SEL1L3: variants seen among roughly 807,000 people sequenced by gnomAD.
SEL1L3 encodes the protein protein sel-1 homolog 3.
In SEL1L3, 76 loss-of-function variants were observed where a neutral mutation model predicts 142.8. The ratio of observed to expected loss-of-function variants is 0.53; its 90% confidence interval spans 0.44 to 0.64. The LOEUF (loss-of-function observed/expected upper bound fraction) is 0.64. SEL1L3 is among the 30% of genes least tolerant of loss of function. The pLI, the probability that SEL1L3 is intolerant of heterozygous loss-of-function variation, is 0.00. For missense variants in SEL1L3, 1,262 were observed against 1,381.7 expected, an observed-to-expected ratio of 0.91 and a Z score of 1.37; for synonymous variants, 504 against 519.6, an observed-to-expected ratio of 0.97 and a Z score of 0.41.
rs1427486604 is a variant in SEL1L3, at chr4:25,862,747, C to T, written c.90G>A (p.Met30Ile). 83 of 1,239,894 alleles carry T rather than the reference C, an allele frequency of 6.7e-5. No individual in the cohort carries two copies. Among genetic ancestry groups the T allele is most frequent in the Non-Finnish European group, 8.2e-5 (81 of 992,538 alleles). The allele number at this position is 1,239,894 out of a possible 1,614,324, so 76.8% of individuals were successfully genotyped here. Residue 30 changes from methionine (M) to isoleucine (I), a missense_variant, in exon 1 of 24, where the codon ATG becomes ATA. Physicochemically the swap from Met to Ile is conservative, Grantham distance 10. Coordinates refer to ENST00000399878, the MANE Select transcript of SEL1L3 (RefSeq NM_015187.5). ...PLAVGPRAAAMVPSGGVPQGL... is the reference protein window; with the variant it reads ...PLAVGPRAAAIVPSGGVPQGL... Reference sequence around the variant, plus strand: ...CCTGGGGGACGCCGCCACTCGGGACCATGGCTGCGGCCCGGGGGCCGACCG... The same window carrying T: ...CCTGGGGGACGCCGCCACTCGGGACTATGGCTGCGGCCCGGGGGCCGACCG...
At chr4:25,806,653 C>T (rs1713597619) in intron 9 of SEL1L3, among the ~76,000 whole-genome samples, 1 of 152,086 alleles carries the variant, frequency 6.6e-6, no homozygotes, top group Admixed American at 6.5e-5. Context: ...AGGATGCAGC[C>T]ACCACCTCCA....
At chr4:25,738,539 G>T in the SEL1L3 span, among the ~76,000 whole-genome samples, 2 of 152,178 alleles carry the variant, frequency 1.3e-5, no homozygotes, top group Non-Finnish European at 2.9e-5. Context: ...AAGCAAAAGT[G>T]CAAAAGATTA....
At chr4:25,833,666 A>G in intron 3 of SEL1L3, 97 bp from the exon 4 acceptor site, 1 of 1,100,138 alleles carries the variant, frequency 9.1e-7, no homozygotes, top group South Asian at 1.7e-5. Context: ...TTTCTTTCCA[A>G]TGAATGGATG....
In SEL1L3 at chr4:25,757,802, G is replaced by A; in HGVS notation, c.3084-12C>T. On this transcript the variant is annotated splice_polypyrimidine_tract_variant and intron_variant, in intron 21 of 23. Transcript: ENST00000399878. ...TGTGGCTCCAGCACCTGCAGACAAA[G>A]CCCAGGGCATCTTGACGTGTCAGCC... 2 of 1,561,296 alleles carry A rather than the reference G, an allele frequency of 1.3e-6. No homozygotes were observed. The highest frequency in any genetic ancestry group is 1.7e-6 in the Non-Finnish European group (2 of 1,152,536).
chr4:25,853,737 T>C (rs531480600), intron 1 of SEL1L3, among the ~76,000 whole-genome samples: 2 of 137,770 alleles, frequency 1.5e-5, no homozygotes, highest in Non-Finnish European at 3.1e-5. Context: ...AATAGGGCAA[T>C]CTCGGCTCAT....
chr4:25,848,372 T>C (rs916489115), intron 1 of SEL1L3, among the ~76,000 whole-genome samples: 2 of 152,216 alleles, frequency 1.3e-5, no homozygotes, highest in Admixed American at 6.5e-5. Context: ...TCCCATAAGT[T>C]TGAAGCCAGG....
Position 25,802,369 on chromosome 4 carries a change from G to T in SEL1L3, c.1870C>A (p.Pro624Thr), listed in dbSNP as rs771930956. The T allele has an allele frequency of 6.2e-7, 1 of 1,613,690 alleles. No homozygotes were observed. The highest frequency in any genetic ancestry group is 8.5e-7 in the Non-Finnish European group (1 of 1,179,736). The change falls in exon 11 of 24, where the codon CCC (proline) becomes ACC (threonine). Residue 624 changes from proline to threonine, a missense_variant. This residue lies in a region of SEL1L3 where 435 missense variants were observed against 559.2 expected (regional missense o/e 0.78). Transcript: ENST00000399878. ...YKHYQGIDNY[P>T]LDWELSYAYY... ...GCATACGACAGTTCCCAGTCCAGGGGGTAGTTGTCAATACCCTGGTAGTGT... is the reference window on the plus strand; with the variant it reads ...GCATACGACAGTTCCCAGTCCAGGGTGTAGTTGTCAATACCCTGGTAGTGT...
chr4:25,825,694 G>A (rs906856289), intron 6 of SEL1L3, among the ~76,000 whole-genome samples: 5 of 67,992 alleles, frequency 7.4e-5, no homozygotes, highest in African/African-American at 3.3e-4. Context: ...TTTTTTTTTG[G>A]AGACAGAGTC....
At chr4:25,716,467 C>T in the SEL1L3 span, among the ~76,000 whole-genome samples, 4 of 152,100 alleles carry the variant, frequency 2.6e-5, no homozygotes, top group African/African-American at 9.7e-5. Flanking sequence ...AGAAAATATG[C>T]ATGCCCTTTG....
intron 19 of SEL1L3, among the ~76,000 whole-genome samples, chr4:25,765,642 T>C (rs1478259628): frequency 6.6e-6 from 1 of 151,882 alleles, no homozygotes; most frequent in African/African-American, 2.4e-5. Context: ...ATTTTTTTTC[T>C]TTTTTTTCTA....
At chr4:25,822,261 G>T in intron 6 of SEL1L3, 133 bp from the exon 7 acceptor site, 1 of 999,700 alleles carries the variant, frequency 1.0e-6, no homozygotes, top group Non-Finnish European at 1.5e-6. Flanking sequence ...TAGCAGATGA[G>T]ACCAGCGTAG....
downstream of SEL1L3, among the ~76,000 whole-genome samples, chr4:25,744,074 C>T (rs1717190504): frequency 6.6e-6 from 1 of 152,122 alleles, no homozygotes; most frequent in East Asian, 1.9e-4. Flanking sequence ...TTCACCTGAA[C>T]CCAGGTTTGA....
At chr4:25,795,074 A>G (rs1712627002) in intron 11 of SEL1L3, among the ~76,000 whole-genome samples, 2 of 151,772 alleles carry the variant, frequency 1.3e-5, no homozygotes, top group South Asian at 4.2e-4. Context: ...GGGGAGGGAG[A>G]AGATCAGGAA....
intron 1 of SEL1L3, among the ~76,000 whole-genome samples, chr4:25,856,606 A>AG (rs1459438742): frequency 2.0e-5 from 3 of 151,784 alleles, no homozygotes; most frequent in African/African-American, 7.3e-5. Flanking sequence ...AAAAAAAAAA[A>AG]AAAAAAACAA....
chr4:25,841,875 G>A (rs1242760828), intron 2 of SEL1L3, among the ~76,000 whole-genome samples: 2 of 152,138 alleles, frequency 1.3e-5, no homozygotes, highest in African/African-American at 2.4e-5. Context: ...CAGGAGAATC[G>A]CATGAACCTG....
downstream of SEL1L3, among the ~76,000 whole-genome samples, chr4:25,744,348 C>CTTTTTTTTT (rs35155388): frequency 0.041 from 4,134 of 101,144 alleles, 515 homozygotes; most frequent in African/African-American, 0.056. Context: ...ATGTGTGAGT[C>CTTTTTTTTT]TTTTTTTTTT....
chr4:25,831,491 AAATAAT>A (rs1174295839), intron 5 of SEL1L3, among the ~76,000 whole-genome samples: 555 of 134,820 alleles, frequency 4.1e-3, no homozygotes, highest in Middle Eastern at 7.5e-3. Flanking sequence ...AATTATTTTT[AAATAAT>A]AATAATAATA....
chr4:25,832,833 T>C (rs1715530621), intron 5 of SEL1L3, among the ~76,000 whole-genome samples, 162 bp downstream of exon 5: 1 of 152,238 alleles, frequency 6.6e-6, no homozygotes, highest in Non-Finnish European at 1.5e-5. Flanking sequence ...GATTTAAACT[T>C]CCATCTATGA....
chr4:25,818,877 C>T (rs1714569749), intron 8 of SEL1L3, among the ~76,000 whole-genome samples: 1 of 152,192 alleles, frequency 6.6e-6, no homozygotes, highest in African/African-American at 2.4e-5. Flanking sequence ...CACTATCTTT[C>T]CACACTCACC....
Sources: gnomAD v4.1 joint callset for allele counts (sites outside exome capture counted in the v4.1 genomes callset) on GRCh38, gnomAD v4.1.1 for gene constraint, gnomAD v4.1.1 regional missense constraint, MANE v1.5 for transcripts, NCBI Gene and HGNC (gene_info 2026-07-23, HGNC 2026-07-21) for gene names.